The following SAMD13 variants were observed in gnomAD, a reference collection of about 807,000 sequenced individuals.
SAMD13 encodes the protein sterile alpha motif domain containing 13.
In SAMD13, 9 loss-of-function variants were observed where a neutral mutation model predicts 12.4. The observed-to-expected ratio is 0.72, with a 90% confidence interval of 0.44 to 1.26. The LOEUF is 1.26. Ranked by LOEUF, SAMD13 falls within the 50% of genes most tolerant of loss-of-function variation. The pLI, the probability that SAMD13 is intolerant of heterozygous loss-of-function variation, is 0.00. For missense variants in SAMD13, 84 were observed against 119.6 expected (o/e 0.70, Z 1.39); for synonymous variants, 46 against 45.4 (o/e 1.01, Z -0.05).
intron 3 of SAMD13, among the ~76,000 whole-genome samples, chr1:84,347,795 C>G (rs1019728028): frequency 6.6e-6 from 1 of 152,192 alleles, no homozygotes; most frequent in African/African-American, 2.4e-5. Flanking sequence ...TCTCCCAACT[C>G]TCAGACATGC....
At chr1:84,305,142 G>A (rs1196997185) in intron 2 of SAMD13, among the ~76,000 whole-genome samples, 2 of 152,134 alleles carry the variant, frequency 1.3e-5, no homozygotes, top group Non-Finnish European at 2.9e-5. Context: ...TTCACTAGCA[G>A]TGTGTGGCAT....
rs79551103 is a variant in SAMD13, at chr1:84,344,479, G to A, written c.166-5152G>A. Among the ~76,000 whole-genome samples the A allele has an allele frequency of 2.3e-3, 356 of 152,260 alleles. 1 individual carries two copies. The highest frequency in any genetic ancestry group is 7.2e-3 in the African/African-American group (299 of 41,540). ...AAGGAGCTGCTGACAGAAGGTGGGC[G>A]GGAGTGGAGGCATGTGAAGGATCCA... On this transcript the variant is annotated intron_variant, in intron 3 of 3. Transcript: ENST00000394834.
intron 2 of SAMD13, among the ~76,000 whole-genome samples, chr1:84,320,537 A>C (rs1678919489): frequency 1.3e-5 from 2 of 152,248 alleles, no homozygotes; most frequent in South Asian, 4.1e-4. Context: ...GAACGGAAAT[A>C]ACGCTAATGC....
intron 3 of SAMD13, among the ~76,000 whole-genome samples, chr1:84,346,934 A>G (rs1198410076): frequency 6.6e-6 from 1 of 152,230 alleles, no homozygotes; most frequent in Non-Finnish European, 1.5e-5. Context: ...TGGAATCAGA[A>G]CACATCCCAT....
At chr1:84,298,923 A>G (rs939677703), upstream of SAMD13, among the ~76,000 whole-genome samples, 1 of 151,952 alleles carries the variant, frequency 6.6e-6, no homozygotes. Context: ...GAGCCCCCAC[A>G]CTAAACGCCA....
intron 3 of SAMD13, among the ~76,000 whole-genome samples, chr1:84,331,876 T>G (rs187855976): frequency 6.6e-6 from 1 of 152,144 alleles, no homozygotes; most frequent in Admixed American, 6.6e-5. Flanking sequence ...TTTTTCAGTC[T>G]ACCCTCCTCC....
intron 2 of SAMD13, among the ~76,000 whole-genome samples, chr1:84,316,333 C>A (rs1051968857): frequency 1.3e-5 from 2 of 152,102 alleles, no homozygotes; most frequent in Admixed American, 6.6e-5. Context: ...GTGATTTCTT[C>A]TAGAAATTTT....
At chr1:84,310,110 T>C (rs1678675957) in intron 2 of SAMD13, among the ~76,000 whole-genome samples, 1 of 152,158 alleles carries the variant, frequency 6.6e-6, no homozygotes, top group South Asian at 2.1e-4. Flanking sequence ...AGTTTTCTAG[T>C]GGTCATATTT....
At chr1:84,337,335 G>A (rs748893969) in intron 3 of SAMD13, among the ~76,000 whole-genome samples, 30 of 152,280 alleles carry the variant, frequency 2.0e-4, no homozygotes, top group Middle Eastern at 6.8e-3. Context: ...CTTCTGCCTG[G>A]ACATCCAGGC....
chr1:84,337,719 C>T (rs1224180555), intron 3 of SAMD13, among the ~76,000 whole-genome samples: 1 of 152,206 alleles, frequency 6.6e-6, no homozygotes, highest in African/African-American at 2.4e-5. Context: ...CTGCAACTGG[C>T]TTGAGTCTGT....
intron 1 of SAMD13, among the ~76,000 whole-genome samples, chr1:84,302,251 C>T (rs1287573930): frequency 1.3e-5 from 2 of 151,672 alleles, no homozygotes; most frequent in African/African-American, 2.4e-5. Context: ...GAAGGAGTGC[C>T]GAAGTATAAA....
Position 84,335,853 on chromosome 1 carries a change from A to G in SAMD13, c.165+10105A>G, listed in dbSNP as rs1679277980. On this transcript the variant is annotated intron_variant, in intron 3 of 3. Coordinates refer to ENST00000394834, the MANE Select transcript of SAMD13 (RefSeq NM_001134663.2). ...TTCTTAGTTGTAATTTCTTTTCTTT[A>G]AGAATGCTGAGTGTAGGCCCCCAAT... Among the ~76,000 whole-genome samples, 5 of 152,178 alleles carry G rather than the reference A, an allele frequency of 3.3e-5. No individual in the cohort carries two copies. In the South Asian group the frequency reaches 1.0e-3, roughly 31 times the overall value.
At chr1:84,348,232 T>G (rs1186044307) in intron 3 of SAMD13, among the ~76,000 whole-genome samples, 1 of 152,168 alleles carries the variant, frequency 6.6e-6, no homozygotes, top group Non-Finnish European at 1.5e-5. Context: ...GAGAAGGGAC[T>G]TGCCTAAGGT....
chr1:84,307,719 C>CT (rs1249193179), intron 2 of SAMD13, among the ~76,000 whole-genome samples: 6 of 152,078 alleles, frequency 3.9e-5, no homozygotes, highest in African/African-American at 1.4e-4. Flanking sequence ...TAAGTCTTGC[C>CT]TTTAAGTTTT....
At chr1:84,330,753 A>G (rs1347792660) in intron 3 of SAMD13, among the ~76,000 whole-genome samples, 1 of 152,188 alleles carries the variant, frequency 6.6e-6, no homozygotes, top group East Asian at 1.9e-4. Flanking sequence ...CATACTTAGA[A>G]TATATAAGAA....
At chr1:84,300,361 A>G (rs1019940744), upstream of SAMD13, among the ~76,000 whole-genome samples, 11 of 152,230 alleles carry the variant, frequency 7.2e-5, no homozygotes, top group African/African-American at 2.7e-4. Flanking sequence ...AAGGAAGTCA[A>G]AAATTTCTAA....
intron 3 of SAMD13, among the ~76,000 whole-genome samples, chr1:84,337,828 A>G (rs1209229391): frequency 1.3e-5 from 2 of 152,192 alleles, no homozygotes; most frequent in Non-Finnish European, 2.9e-5. Context: ...TGCCTTTAAC[A>G]ACACCCAAAT....
At chr1:84,328,374 G>T (rs1224406451) in intron 3 of SAMD13, among the ~76,000 whole-genome samples, 2 of 152,194 alleles carry the variant, frequency 1.3e-5, no homozygotes, top group African/African-American at 2.4e-5. Context: ...CAACTCGGAA[G>T]CCTGAGAAAT....
chr1:84,334,096 C>T (rs1350158872), intron 3 of SAMD13, among the ~76,000 whole-genome samples: 1 of 151,888 alleles, frequency 6.6e-6, no homozygotes, highest in Non-Finnish European at 1.5e-5. Context: ...GTCCCTCCTC[C>T]TAAATTTTTG....
Sources: gnomAD v4.1 joint callset for allele counts (sites outside exome capture counted in the v4.1 genomes callset) on GRCh38, gnomAD v4.1.1 for gene constraint, MANE v1.5 for transcripts, NCBI Gene and HGNC (gene_info 2026-07-23, HGNC 2026-07-21) for gene names.